Variants in SCN9A observed in about 807,000 individuals in gnomAD.
SCN9A encodes the protein sodium channel protein type 9 subunit alpha.
Under a neutral mutation model 187.0 loss-of-function variants are expected in SCN9A, and 131 were observed. The ratio of observed to expected loss-of-function variants is 0.70; its 90% CI spans 0.61 to 0.81. SCN9A has a LOEUF of 0.81. Among genes scored for constraint, SCN9A ranks in the 30% least tolerant of loss-of-function variants. The pLI is 0.00. For missense variants in SCN9A, 2,252 were observed against 2,396.6 expected (o/e 0.94, Z 1.26); for synonymous variants, 809 against 808.6 (o/e 1.00, Z -0.01).
intron 17 of SCN9A, among the ~76,000 whole-genome samples, chr2:166,260,416 G>T (rs893850592): frequency 1.3e-5 from 2 of 151,802 alleles, no homozygotes; most frequent in African/African-American, 2.4e-5. Context: ...ATACTGTAAG[G>T]TCTGGTCTAA....
At chr2:166,345,302 A>C (rs1699873836) in intron 1 of SCN9A, among the ~76,000 whole-genome samples, 1 of 79,986 alleles carries the variant, frequency 1.3e-5, no homozygotes, top group South Asian at 3.2e-4. Context: ...TGTGGTGTGC[A>C]TAACTTAGAA....
chr2:166,284,823 G>A lies in SCN9A; in HGVS notation c.1604C>T (p.Ser535Leu), dbSNP rs201354321. The A allele has an allele frequency of 3.4e-5, 55 of 1,600,544 alleles. No homozygotes were observed. Among genetic ancestry groups the A allele is most frequent in the Non-Finnish European group, 4.3e-5 (50 of 1,175,600 alleles). ...HEKRLSTPNQ[S>L]PLSIRGSLFS... is the part of the protein sequence containing the mutation. The stretch of plus-strand genomic sequence containing the variant: ...CAAGGAGCCACGAATGCTGAGTGGT[G>A]ACTGCAGAAAAATTAAAAAAAACGT... Residue 535 changes from serine to leucine, a missense_variant and splice_region_variant, in exon 12 of 27, where the codon TCA becomes TTA. By Grantham distance (145) the Ser-to-Leu change is moderately radical. Coordinates refer to ENST00000642356, the MANE Select transcript of SCN9A (RefSeq NM_001365536.1).
chr2:166,235,931 C>T (rs1420771953), intron 20 of SCN9A, among the ~76,000 whole-genome samples: 1 of 151,954 alleles, frequency 6.6e-6, no homozygotes, highest in African/African-American at 2.4e-5. Flanking sequence ...CATTATTAAA[C>T]AGCCATATCT....
In SCN9A at chr2:166,272,717, T is replaced by C. The variant is rs866152736; in HGVS notation, c.3033A>G (p.Leu1011=). ...TCTTTGGCTTTTTGGAAAATGCTTT[T>C]AGAATAAATTCACGTAAGGTTTGTT... ...YVKQTLREFI[L]KAFSKKPKIS... is the part of the protein sequence containing the mutation. The change falls in exon 17 of 27, where the codon CTA becomes CTG. Residue 1011 remains leucine, a synonymous_variant. Transcript: ENST00000642356. 1 of 1,595,060 alleles carries C rather than the reference T, an allele frequency of 6.3e-7. No homozygotes were observed. Among genetic ancestry groups the C allele is most frequent in the Non-Finnish European group, 8.5e-7 (1 of 1,171,334 alleles).
At chr2:166,245,950 T>C (rs1695769521) in intron 18 of SCN9A, among the ~76,000 whole-genome samples, 1 of 152,026 alleles carries the variant, frequency 6.6e-6, no homozygotes, top group Admixed American at 6.6e-5. Context: ...AATTAGTGCA[T>C]TGATCCAGTT....
chr2:166,322,792 G>A (rs1301030700), intron 1 of SCN9A, among the ~76,000 whole-genome samples: 1 of 152,074 alleles, frequency 6.6e-6, no homozygotes, highest in Non-Finnish European at 1.5e-5. Flanking sequence ...AGTGAGTCTA[G>A]GACAAGTTCA....
In SCN9A at chr2:166,198,877, T is replaced by C. The variant is rs910761183; in HGVS notation, c.5762A>G (p.Asp1921Gly). ...NISSIYIKDG[D>G]RDDDLLNKKD... ...TTTATTGAGTAAATCATCATCTCTGTCTCCATCTTTTATGTATATACTTGA... is the reference window on the plus strand; with the variant it reads ...TTTATTGAGTAAATCATCATCTCTGCCTCCATCTTTTATGTATATACTTGA... Residue 1921 changes from aspartate (D) to glycine (G), a missense_variant, in exon 27 of 27, where the codon GAC becomes GGC. By Grantham distance (94) the Asp-to-Gly change is moderately conservative. Coordinates refer to ENST00000642356, the MANE Select transcript of SCN9A (RefSeq NM_001365536.1). The C allele has an allele frequency of 7.4e-6, 12 of 1,613,808 alleles. No individual in the cohort carries two copies. Among genetic ancestry groups the C allele is most frequent in the Non-Finnish European group, 1.0e-5 (12 of 1,179,722 alleles).
At chr2:166,338,011 G>A (rs973265060) in intron 1 of SCN9A, among the ~76,000 whole-genome samples, 4 of 152,046 alleles carry the variant, frequency 2.6e-5, no homozygotes, top group Non-Finnish European at 5.9e-5. Context: ...GAGGTCTATG[G>A]ACTACTTGGC....
intron 7 of SCN9A, chr2:166,301,723 C>G (rs1211963288): frequency 6.6e-6 from 1 of 150,588 alleles, no homozygotes; most frequent in African/African-American, 2.5e-5. Flanking sequence ...GTAAGTTACT[C>G]ATCAGATATA....
chr2:166,356,178 C>T (rs1277547380), intron 1 of SCN9A, among the ~76,000 whole-genome samples: 1 of 152,148 alleles, frequency 6.6e-6, no homozygotes, highest in Non-Finnish European at 1.5e-5. Flanking sequence ...CTTTTCTTTT[C>T]TCAGTGTTTG....
intron 2 of SCN9A, among the ~76,000 whole-genome samples, chr2:166,307,749 A>G (rs1339363330): frequency 6.6e-6 from 1 of 152,256 alleles, no homozygotes; most frequent in Non-Finnish European, 1.5e-5. Context: ...TATTGTAGCC[A>G]TTCCATAAGT....
intron 17 of SCN9A, among the ~76,000 whole-genome samples, chr2:166,260,782 T>A (rs1053102047): frequency 1.3e-5 from 2 of 151,794 alleles, no homozygotes; most frequent in African/African-American, 4.8e-5. Flanking sequence ...TATGCACAAA[T>A]AAAAGAAATG....
chr2:166,266,900 T>G (rs766013640), intron 17 of SCN9A, among the ~76,000 whole-genome samples: 1 of 152,014 alleles, frequency 6.6e-6, no homozygotes, highest in Non-Finnish European at 1.5e-5. Flanking sequence ...GCATGTTGAT[T>G]TTGTGTCCTC....
At position 166,284,452 on chromosome 2, in the gene SCN9A, C is replaced by T. The variant is rs759832491; in HGVS notation, c.1974+1G>A. 6.2e-6 allele frequency: 10 copies of T among 1,607,332 alleles called. No homozygotes were observed. The highest frequency in any genetic ancestry group is 5.1e-5 in the Admixed American group (3 of 59,022). On this transcript the variant is annotated splice_donor_variant, in intron 12 of 26. Transcript: ENST00000642356. LOFTEE classifies it high-confidence loss of function. The stretch of plus-strand genomic sequence containing the variant: ...GCCTGAGCTATGTAAAACGTCCTTA[C>T]GCTGTCATCAGAAGTTGCCTTATCT...
Position 166,286,417 on chromosome 2 carries a change from G to A in SCN9A, c.1521C>T (p.Asp507=). The A allele has an allele frequency of 6.2e-7, 1 of 1,613,848 alleles. No individual in the cohort carries two copies. The highest frequency in any genetic ancestry group is 8.5e-7 in the Non-Finnish European group (1 of 1,179,824). The change falls in exon 11 of 27, where the codon GAC becomes GAT. Residue 507 remains aspartate (D), a synonymous_variant. Transcript: ENST00000642356. ...GGTGGAAACTTTTTCTTCTGATGCT[G>A]TCCTCTGATTCTGATTTCGACAATT... ...AEKLSKSESE[D]SIRRKSFHLG...
Position 166,207,428 on chromosome 2 carries a change from T to TTTGTTGTTGTTG in SCN9A, c.4399-2976_4399-2965dup, listed in dbSNP as rs61122536. Among the ~76,000 whole-genome samples, 1,071 of 150,170 alleles carry TTTGTTGTTGTTG rather than the reference T, an allele frequency of 7.1e-3. 16 individuals carry two copies. The highest frequency in any genetic ancestry group is 0.023 in the African/African-American group (956 of 40,872). On this transcript the variant is annotated intron_variant, in intron 24 of 26. Transcript: ENST00000642356. Reference sequence around the variant, plus strand: ...ACTTCCCTTTCTGCCTTAGAGTGTTTTTGTTGTTGTTGTTGTTGTTGTTGT... The same window carrying TTTGTTGTTGTTG: ...ACTTCCCTTTCTGCCTTAGAGTGTTTTTGTTGTTGTTGTTGTTGTTGTTGTTGTTGTTGTTGT...
intron 12 of SCN9A, among the ~76,000 whole-genome samples, chr2:166,283,340 A>G (rs559902732): frequency 1.3e-5 from 2 of 152,204 alleles, no homozygotes; most frequent in Non-Finnish European, 2.9e-5. Context: ...CATTTATTCA[A>G]ATTGAAATAT....
Position 166,311,586 on chromosome 2 carries a change from T to C in SCN9A, c.171A>G (p.Lys57=). ...TGTCCCCATAGATGAAGGGCAGCTG[T>C]TTGCCAGCTTCCAAGTCACTGCTTG... ...PKPSSDLEAG[K]QLPFIYGDIP... Residue 57 remains lysine, a synonymous_variant, in exon 2 of 27, where the codon AAA becomes AAG. Transcript: ENST00000642356. 6.2e-7 allele frequency: 1 copy of C among 1,613,298 alleles called. No homozygotes were observed. The highest frequency in any genetic ancestry group is 1.1e-5 in the South Asian group (1 of 91,032).
Position 166,309,443 on chromosome 2 carries a change from A to G in SCN9A, c.258+2056T>C, listed in dbSNP as rs548865256. On this transcript the variant is annotated intron_variant, in intron 2 of 26. Coordinates refer to ENST00000642356, the MANE Select transcript of SCN9A (RefSeq NM_001365536.1). Reference sequence around the variant, plus strand: ...GTCATGTCCAAAAATGTTATGCTAAACAATTATACTAAACAATGTATACTA... The same window carrying G: ...GTCATGTCCAAAAATGTTATGCTAAGCAATTATACTAAACAATGTATACTA... Among the ~76,000 whole-genome samples the G allele has an allele frequency of 1.5e-3, 226 of 152,332 alleles. 1 individual carries two copies. Among genetic ancestry groups the G allele is most frequent in the South Asian group, 3.3e-3 (16 of 4,828 alleles).
Sources: gnomAD v4.1 joint callset for allele counts (sites outside exome capture counted in the v4.1 genomes callset) on GRCh38, gnomAD v4.1.1 for gene constraint, MANE v1.5 for transcripts, NCBI Gene and HGNC (gene_info 2026-07-23, HGNC 2026-07-21) for gene names.